ZCCHC14: variants seen among roughly 807,000 people sequenced by gnomAD.
ZCCHC14 encodes the protein zinc finger CCHC domain-containing protein 14.
ZCCHC14 carries 16 observed loss-of-function variants against 85.0 expected under a neutral mutation model. That is an observed-to-expected ratio of 0.19 (90% CI 0.13 to 0.29). ZCCHC14 has a LOEUF of 0.29. Among genes scored for constraint, ZCCHC14 ranks in the 10% least tolerant of loss-of-function variants. ZCCHC14 has a pLI of 1.00. For missense variants in ZCCHC14, 1,303 were observed against 1,443.5 expected, an observed-to-expected ratio of 0.90 and a Z score of 1.58; for synonymous variants, 775 against 630.7, an observed-to-expected ratio of 1.23 and a Z score of -3.43.
intron 1 of ZCCHC14, among the ~76,000 whole-genome samples, chr16:87,485,967 T>TTAC (rs1912498458): frequency 6.6e-6 from 1 of 152,202 alleles, no homozygotes; most frequent in Non-Finnish European, 1.5e-5. Context: ...TACCATCGTA[T>TTAC]TACTCATCAT....
chr16:87,420,746 T>C lies in ZCCHC14; in HGVS notation c.841-30A>G, dbSNP rs112696010. On this transcript the variant is annotated intron_variant, in intron 4 of 12. Coordinates refer to ENST00000671377, the MANE Select transcript of ZCCHC14 (RefSeq NM_015144.3). This position sits in a 1 kb window ranked among gnomAD's most constrained non-coding sequence, Gnocchi z 5.0. ...AAGAGAGGACAAGGTAGAGGAGGTGTGTCCAGACCCATCCAACACCAGCAG... is the reference window on the plus strand; with the variant it reads ...AAGAGAGGACAAGGTAGAGGAGGTGCGTCCAGACCCATCCAACACCAGCAG... The C allele has an allele frequency of 1.9e-6, 3 of 1,570,348 alleles. No homozygotes were observed. The highest frequency in any genetic ancestry group is 2.3e-5 in the South Asian group (2 of 86,016).
intron 7 of ZCCHC14, 57 bp from the exon 8 acceptor site, chr16:87,417,799 T>G (rs73238678): frequency 0.035 from 53,040 of 1,494,358 alleles, 1,417 homozygotes; most frequent in African/African-American, 0.12. Context: ...AACCACAGAC[T>G]CCACCACAGA....
intron 1 of ZCCHC14, chr16:87,467,496 G>A (rs1911579370): frequency 2.5e-6 from 4 of 1,606,598 alleles, no homozygotes; most frequent in East Asian, 2.2e-5. Context: ...GTACCACTAT[G>A]ACATGAATAC....
chr16:87,461,172 G>A (rs1391005337), intron 1 of ZCCHC14, among the ~76,000 whole-genome samples: 2 of 152,338 alleles, frequency 1.3e-5, no homozygotes, highest in East Asian at 3.9e-4. Flanking sequence ...AACAAGCGCA[G>A]AAACAAGCCA....
rs1908299989 is a variant in ZCCHC14 at position 87,408,491 on chromosome 16, A to G, written c.*1789T>C. On this transcript the variant is annotated 3_prime_UTR_variant, in exon 13 of 13. Coordinates refer to ENST00000671377, the MANE Select transcript of ZCCHC14 (RefSeq NM_015144.3). The stretch of plus-strand genomic sequence containing the variant: ...TTGTGTCAGTTCTCATTATTTTGAC[A>G]TTTTGTAGTGTTTACAATTTAAGAG... 1 of 152,586 alleles carries G rather than the reference A, an allele frequency of 6.6e-6. No individual in the cohort carries two copies. The highest frequency in any genetic ancestry group is 1.9e-4 in the East Asian group (1 of 5,200). The allele number at this position is 152,586 out of a possible 1,614,324, so 9.5% of individuals were successfully genotyped here. A position where few individuals can be genotyped will look rare whatever the true frequency, so the allele number is the denominator to read the frequency against.
intron 3 of ZCCHC14, among the ~76,000 whole-genome samples, chr16:87,424,571 T>C (rs1909270787): frequency 6.6e-6 from 1 of 152,056 alleles, no homozygotes; most frequent in Admixed American, 6.5e-5. Flanking sequence ...CGGAGGTCCA[T>C]CTCCCCACAT....
rs1014131510 is a variant in ZCCHC14, at chr16:87,491,727, C to T, written c.512G>A (p.Gly171Asp). 1 of 1,562,456 alleles carries T rather than the reference C, an allele frequency of 6.4e-7. No individual in the cohort carries two copies. The highest frequency in any genetic ancestry group is 8.6e-7 in the Non-Finnish European group (1 of 1,160,102). The change falls in exon 1 of 13, where the codon GGC becomes GAC. Residue 171 changes from glycine to aspartate, a missense_variant. Physicochemically the swap from Gly to Asp is moderately conservative, Grantham distance 94 (BLOSUM62 -1). Coordinates refer to ENST00000671377, the MANE Select transcript of ZCCHC14 (RefSeq NM_015144.3). The surrounding 1 kb of genome is among the most constrained non-coding windows in gnomAD (Gnocchi z 5.9). ...QSSLNGGGGH[G>D]GKGAPGPGGA... ...GCCCGGCCCGGGCGCGCCCTTGCCG[C>T]CGTGGCCCCCGCCGCCGTTCAGGCT...
At chr16:87,418,516 C>T (rs529158205) in intron 7 of ZCCHC14, among the ~76,000 whole-genome samples, 5 of 152,302 alleles carry the variant, frequency 3.3e-5, no homozygotes, top group African/African-American at 9.6e-5. Flanking sequence ...AGGGCCCGTG[C>T]GGACAGAGGA....
chr16:87,490,339 A>G (rs572732118), intron 1 of ZCCHC14, among the ~76,000 whole-genome samples: 1 of 152,374 alleles, frequency 6.6e-6, no homozygotes, highest in South Asian at 2.1e-4. Flanking sequence ...GAGCTTAAAG[A>G]CACTGCAAAG....
chr16:87,456,533 C>CAAAAAAAAAAAAAAAAA (rs60817141), intron 2 of ZCCHC14, among the ~76,000 whole-genome samples: 1 of 63,374 alleles, frequency 1.6e-5, no homozygotes, highest in Non-Finnish European at 3.0e-5. Flanking sequence ...ACTCTGTCTC[C>CAAAAAAAAAAAAAAAAA]AAAAAAAAAA....
rs1912804503 is a variant in ZCCHC14 at position 87,492,313 on chromosome 16, G to A, written c.-75C>T. ...CGGCCGGGGGGCGCCGGGGGCCGCG[G>A]CCGGGGCGCGCCGGGACCGGGGACG... On this transcript the variant is annotated 5_prime_UTR_variant, in exon 1 of 13. Coordinates refer to ENST00000671377, the MANE Select transcript of ZCCHC14 (RefSeq NM_015144.3). This position sits in a 1 kb window ranked among gnomAD's most constrained non-coding sequence, Gnocchi z 6.7. The A allele has an allele frequency of 1.3e-5, 9 of 684,760 alleles. No individual in the cohort carries two copies. Among genetic ancestry groups the A allele is most frequent in the Middle Eastern group, 7.5e-4 (1 of 1,328 alleles). 42.4% of individuals were successfully genotyped at this position (684,760 alleles called of 1,614,324 possible). A position where few individuals can be genotyped will look rare whatever the true frequency, so the allele number is the denominator to read the frequency against.
At position 87,445,987 on chromosome 16, in the gene ZCCHC14, C is replaced by G. The variant is rs535742985; in HGVS notation, c.695-12786G>C. ...TTTAGGTACTCCTTACTCCAAACAT[C>G]GACAGTATTTTTCTTAAACTTTAAA... On this transcript the variant is annotated intron_variant, in intron 2 of 12. Transcript: ENST00000671377. 1.8e-4 allele frequency among the ~76,000 whole-genome samples: 27 copies of G among 152,120 alleles called. 1 individual carries two copies. The highest frequency in any genetic ancestry group is 6.5e-4 in the African/African-American group (27 of 41,488).
intron 1 of ZCCHC14, among the ~76,000 whole-genome samples, chr16:87,482,499 T>C (rs1017980241): frequency 5.3e-5 from 8 of 152,126 alleles, no homozygotes; most frequent in African/African-American, 1.7e-4. Context: ...GGCAGGCGCC[T>C]CACAGCCATA....
chr16:87,419,933 T>A, intron 5 of ZCCHC14, 56 bp from the exon 6 acceptor site: 1 of 1,466,994 alleles, frequency 6.8e-7, no homozygotes, highest in South Asian at 1.3e-5. Context: ...TGCTGACGAA[T>A]TGAAAGAAAA....
In ZCCHC14 at chr16:87,413,142, A is replaced by C; in HGVS notation, c.1657T>G (p.Ser553Ala). The change falls in exon 11 of 13, where the codon TCC becomes GCC. Residue 553 changes from serine (S) to alanine (A), a missense_variant. By Grantham distance (99) the Ser-to-Ala change is moderately conservative. Around this residue, in one of 7 missense-constraint regions of ZCCHC14, gnomAD observed 797 missense variants for 730.8 expected, o/e 1.09. Transcript: ENST00000671377. ...PHHQLPREGS[S>A]SEYSSSSSSP... Reference sequence around the variant, plus strand: ...GAGGAGGAGCTGGAGTACTCCGAGGAACTGCCTTCCCGGGGCAGCTGGTGA... The same window carrying C: ...GAGGAGGAGCTGGAGTACTCCGAGGCACTGCCTTCCCGGGGCAGCTGGTGA... The C allele has an allele frequency of 1.9e-6, 3 of 1,610,096 alleles. No individual in the cohort carries two copies. The highest frequency in any genetic ancestry group is 2.5e-6 in the Non-Finnish European group (3 of 1,178,268).
chr16:87,437,473 G>T (rs997567793), intron 2 of ZCCHC14, among the ~76,000 whole-genome samples: 5 of 152,054 alleles, frequency 3.3e-5, no homozygotes, highest in Admixed American at 2.0e-4. Flanking sequence ...ATTCACGTGC[G>T]TAAAAATGGC....
intron 2 of ZCCHC14, among the ~76,000 whole-genome samples, chr16:87,449,342 T>C (rs1910585421): frequency 1.3e-5 from 2 of 151,894 alleles, no homozygotes; most frequent in Non-Finnish European, 2.9e-5. Flanking sequence ...TGAAGAGAAG[T>C]AGAAAGGGAT....
chr16:87,484,033 A>C (rs1437657852), intron 1 of ZCCHC14, among the ~76,000 whole-genome samples: 3 of 152,230 alleles, frequency 2.0e-5, no homozygotes, highest in African/African-American at 4.8e-5. Context: ...AAAGACTGCC[A>C]AGAGAAGACC....
intron 2 of ZCCHC14, 57 bp from the exon 3 acceptor site, chr16:87,433,258 T>C (rs1678144914): frequency 8.0e-6 from 12 of 1,508,938 alleles, no homozygotes; most frequent in African/African-American, 1.4e-5. Flanking sequence ...ATATACATGA[T>C]TATTTAGCAT....
Sources: gnomAD v4.1 joint callset for allele counts (sites outside exome capture counted in the v4.1 genomes callset) on GRCh38, gnomAD v4.1.1 for gene constraint, gnomAD v4.1.1 regional missense constraint, Gnocchi (gnomAD v3.1) non-coding constraint, MANE v1.5 for transcripts, NCBI Gene and HGNC (gene_info 2026-07-23, HGNC 2026-07-21) for gene names.